PNLIPRP3: variants seen among roughly 807,000 people sequenced by gnomAD.
PNLIPRP3 encodes the protein pancreatic lipase related protein 3.
Under a neutral mutation model 52.8 loss-of-function variants are expected in PNLIPRP3, and 58 were observed. The ratio of observed to expected loss-of-function variants is 1.10; its 90% CI spans 0.89 to 1.37. PNLIPRP3 has a LOEUF of 1.37. Ranked by LOEUF, PNLIPRP3 falls within the 40% of genes most tolerant of loss-of-function variation. PNLIPRP3 has a pLI of 0.00. For missense variants in PNLIPRP3, 593 were observed against 561.6 expected, an observed-to-expected ratio of 1.06 and a Z score of -0.57; for synonymous variants, 192 against 185.0, an observed-to-expected ratio of 1.04 and a Z score of -0.31.
Position 116,453,636 on chromosome 10 carries a change from G to A in PNLIPRP3, c.457-2086G>A, listed in dbSNP as rs901393566. 2.6e-5 allele frequency among the ~76,000 whole-genome samples: 4 copies of A among 152,000 alleles called. No homozygotes were observed. In the South Asian group the frequency reaches 8.3e-4, roughly 32 times the overall value. On this transcript the variant is annotated intron_variant, in intron 4 of 11. Coordinates refer to ENST00000369230, the MANE Select transcript of PNLIPRP3 (RefSeq NM_001011709.3). ...TTGGTGATGAGTGAGTACTTGCTCG[G>A]TTAGTTCACACAAGATCTGATTGTA...
chr10:116,475,451 A>T (rs1248068015), intron 10 of PNLIPRP3, among the ~76,000 whole-genome samples: 1 of 152,218 alleles, frequency 6.6e-6, no homozygotes, highest in Non-Finnish European at 1.5e-5. Flanking sequence ...ACCATAGGTT[A>T]TATCTTAGCT....
In PNLIPRP3 at chr10:116,471,884, G is replaced by A; in HGVS notation, c.1172+5G>A. ...TGGGGAGTTTGCCATTGTCAGGTAGGCAGAGTGAGAAACTGACGCTTTGCA... is the reference window on the plus strand; with the variant it reads ...TGGGGAGTTTGCCATTGTCAGGTAGACAGAGTGAGAAACTGACGCTTTGCA... On this transcript the variant is annotated splice_donor_5th_base_variant and intron_variant, in intron 10 of 11. Coordinates refer to ENST00000369230, the MANE Select transcript of PNLIPRP3 (RefSeq NM_001011709.3). The A allele has an allele frequency of 6.5e-7, 1 of 1,545,410 alleles. No homozygotes were observed. Among genetic ancestry groups the A allele is most frequent in the Non-Finnish European group, 8.9e-7 (1 of 1,118,906 alleles).
chr10:116,469,387 T>C (rs1313272711), intron 9 of PNLIPRP3, 70 bp downstream of exon 9: 5 of 1,437,796 alleles, frequency 3.5e-6, no homozygotes, highest in East Asian at 4.9e-5. Flanking sequence ...ACAGTTTTTA[T>C]TGAGTGTCTA....
intron 1 of PNLIPRP3, among the ~76,000 whole-genome samples, chr10:116,429,588 T>C (rs17094727): frequency 0.12 from 19,025 of 152,220 alleles, 3,558 homozygotes; most frequent in African/African-American, 0.4. Flanking sequence ...CTCTTCTCTA[T>C]TGGATAAAAA....
intron 2 of PNLIPRP3, among the ~76,000 whole-genome samples, chr10:116,441,320 C>T (rs2133117756): frequency 6.6e-6 from 1 of 152,286 alleles, no homozygotes; most frequent in South Asian, 2.1e-4. Context: ...CCTTTTTACA[C>T]TAGCATGACA....
At chr10:116,456,965 A>G (rs1846124890) in intron 5 of PNLIPRP3, among the ~76,000 whole-genome samples, 1 of 152,032 alleles carries the variant, frequency 6.6e-6, no homozygotes, top group Non-Finnish European at 1.5e-5. Context: ...AGGCCATGCC[A>G]CTCCACTGCT....
At chr10:116,471,231 C>A (rs139288982) in intron 9 of PNLIPRP3, among the ~76,000 whole-genome samples, 1 of 152,150 alleles carries the variant, frequency 6.6e-6, no homozygotes, top group African/African-American at 2.4e-5. Flanking sequence ...GATCTACTGA[C>A]AGATACTATA....
At chr10:116,457,225 T>C (rs1846128385) in intron 5 of PNLIPRP3, among the ~76,000 whole-genome samples, 1 of 152,218 alleles carries the variant, frequency 6.6e-6, no homozygotes, top group Non-Finnish European at 1.5e-5. Flanking sequence ...TTATATCACA[T>C]GGTCTTATAA....
intron 5 of PNLIPRP3, among the ~76,000 whole-genome samples, chr10:116,458,656 T>C (rs1345752381): frequency 6.6e-6 from 1 of 152,242 alleles, no homozygotes; most frequent in African/African-American, 2.4e-5. Context: ...GAATGGTTCA[T>C]TCATATGCAT....
chr10:116,431,213 A>T (rs779300959), intron 1 of PNLIPRP3, among the ~76,000 whole-genome samples: 4 of 152,152 alleles, frequency 2.6e-5, no homozygotes, highest in Non-Finnish European at 4.4e-5. Flanking sequence ...CTAGTTTGTT[A>T]TAATAGTCTC....
At chr10:116,465,647 G>C (rs1846269622) in intron 7 of PNLIPRP3, among the ~76,000 whole-genome samples, 1 of 152,200 alleles carries the variant, frequency 6.6e-6, no homozygotes, top group African/African-American at 2.4e-5. Flanking sequence ...ACTCTGGTCA[G>C]GGACTTTACC....
intron 8 of PNLIPRP3, among the ~76,000 whole-genome samples, chr10:116,468,905 C>T (rs1232094821): frequency 6.6e-6 from 1 of 152,204 alleles, no homozygotes; most frequent in East Asian, 1.9e-4. Context: ...ACTAGTAAGA[C>T]TGAACATCTT....
chr10:116,477,472 C>G lies in PNLIPRP3; in HGVS notation c.*319C>G, dbSNP rs185843082. The G allele has an allele frequency of 5.4e-6, 1 of 185,702 alleles. No individual in the cohort carries two copies. Among genetic ancestry groups the G allele is most frequent in the East Asian group, 1.4e-4 (1 of 6,960 alleles). 11.5% of individuals were successfully genotyped at this position (185,702 alleles called of 1,614,324 possible). A position where few individuals can be genotyped will look rare whatever the true frequency, so the allele number is the denominator to read the frequency against. On this transcript the variant is annotated 3_prime_UTR_variant, in exon 12 of 12. Coordinates refer to ENST00000369230, the MANE Select transcript of PNLIPRP3 (RefSeq NM_001011709.3). ...CAAATGTATGTTGAGTGTATAAACT[C>G]ACTGGACAAAAGTAAGCCTCTGGCT...
At chr10:116,430,422 A>G (rs560800778) in intron 1 of PNLIPRP3, among the ~76,000 whole-genome samples, 2 of 152,270 alleles carry the variant, frequency 1.3e-5, no homozygotes, top group South Asian at 4.1e-4. Context: ...CATAACCACA[A>G]ATTAAAAGTG....
At chr10:116,435,704 C>T (rs1484341577) in intron 1 of PNLIPRP3, among the ~76,000 whole-genome samples, 1 of 152,182 alleles carries the variant, frequency 6.6e-6, no homozygotes, top group African/African-American at 2.4e-5. Context: ...TTTCATATGG[C>T]TGTTGGCCAT....
chr10:116,476,310 A>C (rs1416739665), intron 10 of PNLIPRP3, among the ~76,000 whole-genome samples: 2 of 152,122 alleles, frequency 1.3e-5, no homozygotes, highest in Non-Finnish European at 1.5e-5. Flanking sequence ...CATTTAGTCC[A>C]CTATTGAGAG....
At chr10:116,446,101 C>G (rs536781235) in intron 4 of PNLIPRP3, among the ~76,000 whole-genome samples, 47 of 152,232 alleles carry the variant, frequency 3.1e-4, no homozygotes, top group Non-Finnish European at 5.4e-4. Flanking sequence ...AATCCCAGCA[C>G]TTTGGGAGGC....
chr10:116,455,729 T>G lies in PNLIPRP3; in HGVS notation c.464T>G (p.Phe155Cys). ...AYFIDVLMKK[F>C]EYSPSKVHLI... ...GTTAAACAATTCTTTCAGAAAAAAT[T>G]TGAATATTCCCCTTCTAAAGTGCAC... The change falls in exon 5 of 12, where the codon TTT (phenylalanine) becomes TGT (cysteine). Residue 155 changes from phenylalanine (F) to cysteine (C), a missense_variant. By Grantham distance (205) the Phe-to-Cys change is radical. Transcript: ENST00000369230. 6.2e-7 allele frequency: 1 copy of G among 1,612,822 alleles called. No individual in the cohort carries two copies. Among genetic ancestry groups the G allele is most frequent in the Admixed American group, 1.7e-5 (1 of 59,928 alleles).
chr10:116,437,553 T>C (rs1452410658), intron 2 of PNLIPRP3, among the ~76,000 whole-genome samples: 2 of 152,288 alleles, frequency 1.3e-5, no homozygotes, highest in African/African-American at 2.4e-5. Context: ...GTTAGAAAAG[T>C]AGTTGAGGAA....
Sources: allele counts gnomAD v4.1 joint callset (sites outside exome capture counted in the v4.1 genomes callset), GRCh38; gene constraint gnomAD v4.1.1; transcripts MANE v1.5; gene names NCBI Gene and HGNC (gene_info 2026-07-23, HGNC 2026-07-21).